TRIM67: variants seen among roughly 807,000 people sequenced by gnomAD.
TRIM67 encodes the protein tripartite motif containing 67, also known as tripartite motif-containing protein 67.
In TRIM67, 39 loss-of-function variants were observed where a neutral mutation model predicts 71.0. The observed-to-expected ratio is 0.55, with a 90% CI of 0.43 to 0.72. TRIM67 has a LOEUF of 0.72. Ranked by LOEUF, TRIM67 falls within the 30% of genes least tolerant of loss-of-function variation. TRIM67 has a pLI of 0.00. For missense variants in TRIM67, 973 were observed against 1,079.2 expected (o/e 0.90, Z 1.38); for synonymous variants, 481 against 473.9 (o/e 1.01, Z -0.19).
At chr1:231,193,534 C>CTCTCTCTCTT (rs1683291309) in intron 1 of TRIM67, among the ~76,000 whole-genome samples, 1 of 151,508 alleles carries the variant, frequency 6.6e-6, no homozygotes, top group Non-Finnish European at 1.5e-5. Flanking sequence ...CTCTCTCTCT[C>CTCTCTCTCTT]TCTCTCTCTC....
intron 5 of TRIM67, among the ~76,000 whole-genome samples, chr1:231,202,269 C>CAGA (rs1242565325): frequency 2.7e-4 from 1 of 3,670 alleles, no homozygotes; most frequent in African/African-American, 8.9e-4. Flanking sequence ...GAGGTGGTGG[C>CAGA]GGAGGAGGAG....
At chr1:231,202,674 G>A (rs899985454) in intron 5 of TRIM67, among the ~76,000 whole-genome samples, 1 of 152,106 alleles carries the variant, frequency 6.6e-6, no homozygotes, top group African/African-American at 2.4e-5. Context: ...ATAATTTGTG[G>A]CCATTTTAAA....
chr1:231,189,092 T>C (rs1683163909), intron 1 of TRIM67, among the ~76,000 whole-genome samples: 1 of 152,202 alleles, frequency 6.6e-6, no homozygotes, highest in East Asian at 1.9e-4. Context: ...GCACCATTTA[T>C]AGTGGGTCCT....
chr1:231,186,391 T>A (rs758980889), intron 1 of TRIM67, among the ~76,000 whole-genome samples: 1 of 152,174 alleles, frequency 6.6e-6, no homozygotes, highest in African/African-American at 2.4e-5. Context: ...CAGAGCAAAG[T>A]ACCACAAACT....
At chr1:231,176,435 A>G (rs1394502371) in intron 1 of TRIM67, among the ~76,000 whole-genome samples, 1 of 152,044 alleles carries the variant, frequency 6.6e-6, no homozygotes, top group Non-Finnish European at 1.5e-5. Flanking sequence ...AGATAAGATG[A>G]TGCTTGAGCT....
At chr1:231,166,371 A>G (rs1334357550) in intron 1 of TRIM67, among the ~76,000 whole-genome samples, 2 of 152,262 alleles carry the variant, frequency 1.3e-5, no homozygotes, top group Non-Finnish European at 2.9e-5. Context: ...ATCAAAAGAA[A>G]TGATCAATGG....
At position 231,216,340 on chromosome 1, in the gene TRIM67, T is replaced by C; in HGVS notation, c.*900T>C. On this transcript the variant is annotated 3_prime_UTR_variant, in exon 10 of 10. Coordinates refer to ENST00000366653, the MANE Select transcript of TRIM67 (RefSeq NM_001004342.5). ...AGTCTCCTAAAATTAATTCACTCAG[T>C]TCTTAGTTCTTAAATCCACGTGAAA... 1.0e-6 allele frequency: 1 copy of C among 985,416 alleles called. No homozygotes were observed. Among genetic ancestry groups the C allele is most frequent in the Non-Finnish European group, 1.2e-6 (1 of 829,916 alleles). The allele number at this position is 985,416 out of a possible 1,614,324, so 61.0% of individuals were successfully genotyped here.
At position 231,164,795 on chromosome 1, in the gene TRIM67, A is replaced by T. The variant is rs556279687; in HGVS notation, c.1044+782A>T. 1.3e-4 allele frequency among the ~76,000 whole-genome samples: 20 copies of T among 152,348 alleles called. 1 individual carries two copies. In the South Asian group the frequency reaches 3.9e-3, roughly 30 times the overall value. ...CAAGGCTATCCAACTGGAAATAAGC[A>T]AAAAGGTGAGCACAGATGAGAGGAA... On this transcript the variant is annotated intron_variant, in intron 1 of 9. Transcript: ENST00000366653.
At position 231,174,958 on chromosome 1, in the gene TRIM67, C is replaced by T. The variant is rs145988862; in HGVS notation, c.1044+10945C>T. Among the ~76,000 whole-genome samples the T allele has an allele frequency of 5.3e-4, 81 of 152,320 alleles. 2 individuals are homozygous for T. Among genetic ancestry groups the T allele is most frequent in the African/African-American group, 1.9e-3 (80 of 41,574 alleles). On this transcript the variant is annotated intron_variant, in intron 1 of 9. Coordinates refer to ENST00000366653, the MANE Select transcript of TRIM67 (RefSeq NM_001004342.5). The stretch of plus-strand genomic sequence containing the variant: ...ATTAAGATAGTCCCCTAGTTGTGAG[C>T]AGTGCTGCAGTCACTGCTAGAAAAA...
intron 1 of TRIM67, among the ~76,000 whole-genome samples, chr1:231,175,533 A>C (rs1571872973): frequency 6.6e-6 from 1 of 152,366 alleles, no homozygotes; most frequent in African/African-American, 2.4e-5. Context: ...AGTTCCCATA[A>C]GGGGATGTGA....
At chr1:231,189,871 C>A (rs144490927) in intron 1 of TRIM67, among the ~76,000 whole-genome samples, 3 of 152,080 alleles carry the variant, frequency 2.0e-5, no homozygotes, top group Non-Finnish European at 4.4e-5. Flanking sequence ...TGAACGATGC[C>A]AGGAAGGGGC....
intron 1 of TRIM67, chr1:231,184,308 G>A (rs995429837): frequency 2.6e-5 from 4 of 152,024 alleles, no homozygotes; most frequent in East Asian, 1.9e-4. Context: ...AGTTGACCAC[G>A]GGTCACATTT....
At chr1:231,198,915 T>C (rs1443014359) in intron 2 of TRIM67, 132 bp from the exon 3 acceptor site, 17 of 1,418,032 alleles carry the variant, frequency 1.2e-5, no homozygotes, top group African/African-American at 2.9e-5. Flanking sequence ...TTGTCTCTAA[T>C]TTAACAACAT....
At chr1:231,170,891 C>T (rs189082374) in intron 1 of TRIM67, among the ~76,000 whole-genome samples, 1 of 152,274 alleles carries the variant, frequency 6.6e-6, no homozygotes, top group Non-Finnish European at 1.5e-5. Flanking sequence ...TAGATTGCAG[C>T]CTTGTTGGTC....
intron 1 of TRIM67, among the ~76,000 whole-genome samples, chr1:231,193,873 A>G (rs1417695176): frequency 1.3e-5 from 2 of 152,162 alleles, no homozygotes; most frequent in Admixed American, 6.5e-5. Flanking sequence ...GGAGGGGAGG[A>G]CGGTACCAAG....
At chr1:231,190,076 C>A (rs1262010637) in intron 1 of TRIM67, among the ~76,000 whole-genome samples, 1 of 151,566 alleles carries the variant, frequency 6.6e-6, no homozygotes, top group African/African-American at 2.4e-5. Flanking sequence ...CTTATGGCAA[C>A]TTGTCACAGC....
chr1:231,209,307 C>G lies in TRIM67; in HGVS notation c.2123+57C>G. On this transcript the variant is annotated intron_variant, in intron 8 of 9. Transcript: ENST00000366653. The surrounding 1 kb of genome is among the most constrained non-coding windows in gnomAD (Gnocchi z 4.1). ...ACACAGGTTGTTTGGGAATGAGGGT[C>G]CTGAAGACCAGTGTCCCTTCTGCTG... 1 of 1,473,390 alleles carries G rather than the reference C, an allele frequency of 6.8e-7. No individual in the cohort carries two copies. The highest frequency in any genetic ancestry group is 1.4e-5 in the African/African-American group (1 of 70,966). 91.3% of individuals were successfully genotyped at this position (1,473,390 alleles called of 1,614,324 possible).
At chr1:231,180,619 T>A (rs922556369) in intron 1 of TRIM67, among the ~76,000 whole-genome samples, 2 of 151,764 alleles carry the variant, frequency 1.3e-5, no homozygotes, top group African/African-American at 4.8e-5. Flanking sequence ...GGAGGAGGAG[T>A]TGGATGAATC....
At chr1:231,179,945 A>G (rs1682855478) in intron 1 of TRIM67, among the ~76,000 whole-genome samples, 1 of 152,140 alleles carries the variant, frequency 6.6e-6, no homozygotes, top group South Asian at 2.1e-4. Flanking sequence ...TGGAGGAGAG[A>G]TGGCAGGTTT....
Sources: gnomAD v4.1 joint callset for allele counts (sites outside exome capture counted in the v4.1 genomes callset) on GRCh38, gnomAD v4.1.1 for gene constraint, Gnocchi (gnomAD v3.1) non-coding constraint, MANE v1.5 for transcripts, NCBI Gene and HGNC (gene_info 2026-07-23, HGNC 2026-07-21) for gene names.